NELL1: variants seen among roughly 807,000 people sequenced by gnomAD.
NELL1 encodes the protein neural EGFL like 1, also known as protein kinase C-binding protein NELL1.
In NELL1, 76 loss-of-function variants were observed where a neutral mutation model predicts 107.4. The observed-to-expected ratio is 0.71, with a 90% CI of 0.59 to 0.86. The LOEUF is 0.86. Ranked by LOEUF, NELL1 falls within the 40% of genes least tolerant of loss-of-function variation. The pLI, the probability that NELL1 is intolerant of heterozygous loss-of-function variation, is 0.00. For missense variants in NELL1, 1,024 were observed against 1,005.5 expected (o/e 1.02, Z -0.25); for synonymous variants, 353 against 341.2 (o/e 1.03, Z -0.38).
intron 3 of NELL1, among the ~76,000 whole-genome samples, chr11:20,801,163 G>C (rs1380434660): frequency 6.6e-6 from 1 of 152,110 alleles, no homozygotes; most frequent in African/African-American, 2.4e-5. Flanking sequence ...GTAAAGTTAG[G>C]AGAAAAGTGA....
rs531346367 is a variant in NELL1, at chr11:20,910,554, G to C, written c.604-7628G>C. The stretch of plus-strand genomic sequence containing the variant: ...CATCAACCTGAGCAGTCCCAGGGGG[G>C]CCGTGCTTAGAAAGGTCCTGTGATT... On this transcript the variant is annotated intron_variant, in intron 5 of 19. Coordinates refer to ENST00000357134, the MANE Select transcript of NELL1 (RefSeq NM_006157.5). 2.6e-5 allele frequency among the ~76,000 whole-genome samples: 4 copies of C among 152,348 alleles called. No homozygotes were observed. In the East Asian group the frequency reaches 5.8e-4, roughly 22 times the overall value.
intron 15 of NELL1, among the ~76,000 whole-genome samples, chr11:21,532,309 G>A (rs1320899914): frequency 6.6e-6 from 1 of 152,144 alleles, no homozygotes; most frequent in Non-Finnish European, 1.5e-5. Context: ...CTGAATCATG[G>A]AAACTCCTTA....
At chr11:21,143,697 G>A (rs535492649) in intron 13 of NELL1, among the ~76,000 whole-genome samples, 2 of 152,234 alleles carry the variant, frequency 1.3e-5, no homozygotes, top group Non-Finnish European at 2.9e-5. Flanking sequence ...CTTACATGGG[G>A]CATTGGGTTT....
chr11:21,269,003 GA>G (rs1304528435), intron 14 of NELL1, among the ~76,000 whole-genome samples: 1 of 152,052 alleles, frequency 6.6e-6, no homozygotes. Flanking sequence ...ATCTGTAGCA[GA>G]CATGAAAAAT....
chr11:21,304,726 A>G (rs1849570698), intron 14 of NELL1, among the ~76,000 whole-genome samples: 1 of 151,704 alleles, frequency 6.6e-6, no homozygotes, highest in African/African-American at 2.4e-5. Context: ...AGTATATATC[A>G]CCTAATATTC....
At chr11:21,164,684 A>G (rs1303081642) in intron 13 of NELL1, among the ~76,000 whole-genome samples, 1 of 152,212 alleles carries the variant, frequency 6.6e-6, no homozygotes, top group African/African-American at 2.4e-5. Context: ...CAAGGAAAGT[A>G]CAATTCTTCT....
intron 15 of NELL1, among the ~76,000 whole-genome samples, chr11:21,387,132 T>G: frequency 6.6e-6 from 1 of 151,820 alleles, no homozygotes; most frequent in East Asian, 2.0e-4. Context: ...TCTGGGGTGT[T>G]TTTCCTCCAT....
intron 15 of NELL1, among the ~76,000 whole-genome samples, chr11:21,443,867 G>A (rs201697133): frequency 2.0e-4 from 29 of 146,328 alleles, no homozygotes; most frequent in African/African-American, 1.5e-4. Flanking sequence ...CAAAGAAAAA[G>A]AAAAAAAAAA....
At chr11:20,678,427 A>C (rs1371374208) in intron 2 of NELL1, among the ~76,000 whole-genome samples, 1 of 152,178 alleles carries the variant, frequency 6.6e-6, no homozygotes, top group Non-Finnish European at 1.5e-5. Context: ...TACATCTTTC[A>C]TCTAGTGGAT....
intron 10 of NELL1, among the ~76,000 whole-genome samples, chr11:20,943,395 C>T (rs923450939): frequency 6.6e-6 from 1 of 151,776 alleles, no homozygotes; most frequent in African/African-American, 2.4e-5. Flanking sequence ...CCATCTTGGC[C>T]AACATGGTAA....
At position 20,840,283 on chromosome 11, in the gene NELL1, T is replaced by G. The variant is rs549736877; in HGVS notation, c.336-7300T>G. 3.3e-5 allele frequency among the ~76,000 whole-genome samples: 5 copies of G among 152,312 alleles called. No homozygotes were observed. In the South Asian group the frequency reaches 8.3e-4, roughly 25 times the overall value. On this transcript the variant is annotated intron_variant, in intron 3 of 19. Transcript: ENST00000357134. ...ATACTTAAGTTATAGTTTTTATTTT[T>G]AAAGGTATAATAAAAATCTGTATAC...
intron 12 of NELL1, among the ~76,000 whole-genome samples, chr11:20,977,924 G>C (rs1026879931): frequency 7.9e-5 from 12 of 152,170 alleles, no homozygotes; most frequent in African/African-American, 2.9e-4. Flanking sequence ...TTCTACATGT[G>C]AGGAAACTGA....
chr11:20,829,286 G>A (rs1590332221), intron 3 of NELL1, among the ~76,000 whole-genome samples: 1 of 147,330 alleles, frequency 6.8e-6, no homozygotes, highest in Non-Finnish European at 1.5e-5. Context: ...GAGTGCAGTG[G>A]TGCAATCGCG....
At chr11:20,925,030 T>C (rs1485174392) in intron 7 of NELL1, among the ~76,000 whole-genome samples, 2 of 152,200 alleles carry the variant, frequency 1.3e-5, no homozygotes, top group Non-Finnish European at 2.9e-5. Context: ...TTATAAGTTA[T>C]CTAGAGATGA....
intron 2 of NELL1, among the ~76,000 whole-genome samples, chr11:20,707,638 C>G (rs1344293124): frequency 6.6e-6 from 1 of 152,220 alleles, no homozygotes; most frequent in Non-Finnish European, 1.5e-5. Context: ...AGGTCCATTC[C>G]AGACCCTGTT....
intron 6 of NELL1, 143 bp downstream of exon 6, chr11:20,918,397 C>T (rs1850304265): frequency 1.7e-6 from 1 of 594,506 alleles, no homozygotes; most frequent in South Asian, 2.0e-5. Flanking sequence ...TTATTATCTA[C>T]ATTATATAAT....
At chr11:21,032,943 G>A (rs1005095397) in intron 12 of NELL1, among the ~76,000 whole-genome samples, 1 of 152,052 alleles carries the variant, frequency 6.6e-6, no homozygotes, top group African/African-American at 2.4e-5. Context: ...ACTGTTAGTG[G>A]TGAACACATT....
intron 14 of NELL1, among the ~76,000 whole-genome samples, chr11:21,322,899 C>T (rs566159993): frequency 1.8e-4 from 28 of 152,182 alleles, no homozygotes; most frequent in Non-Finnish European, 3.2e-4. Context: ...TGCTTTGCCT[C>T]CATGATGCCA....
At chr11:21,520,617 A>C (rs1226344576) in intron 15 of NELL1, among the ~76,000 whole-genome samples, 1 of 152,168 alleles carries the variant, frequency 6.6e-6, no homozygotes, top group Non-Finnish European at 1.5e-5. Context: ...CAACACTTGT[A>C]CATTTTGTGA....
Sources: gnomAD v4.1 joint callset for allele counts (sites outside exome capture counted in the v4.1 genomes callset) on GRCh38, gnomAD v4.1.1 for gene constraint, MANE v1.5 for transcripts, NCBI Gene and HGNC (gene_info 2026-07-23, HGNC 2026-07-21) for gene names.